Variants in NRXN3 observed in about 807,000 individuals in gnomAD.
The protein encoded by NRXN3 is neurexin 3.
NRXN3 carries 32 observed loss-of-function variants against 137.6 expected under a neutral mutation model. The ratio of observed to expected loss-of-function variants is 0.23; its 90% confidence interval spans 0.18 to 0.31. The LOEUF is 0.31. Among genes scored for constraint, NRXN3 ranks in the 10% least tolerant of loss-of-function variants. NRXN3 has a pLI of 1.00. For missense variants in NRXN3, 1,574 were observed against 2,062.5 expected (o/e 0.76, Z 4.59); for synonymous variants, 798 against 784.5 (o/e 1.02, Z -0.29).
At chr14:78,191,316 G>C (rs868111087) in intron 1 of NRXN3, among the ~76,000 whole-genome samples, 2 of 152,152 alleles carry the variant, frequency 1.3e-5, no homozygotes, top group African/African-American at 4.8e-5. Context: ...TACAGACAGA[G>C]CATGGTGGCT....
chr14:79,076,874 A>G (rs961999615), intron 15 of NRXN3, among the ~76,000 whole-genome samples: 5 of 152,158 alleles, frequency 3.3e-5, no homozygotes, highest in African/African-American at 4.8e-5. Flanking sequence ...GTAGAGAAGC[A>G]TTGCATTTAT....
chr14:79,188,432 T>A (rs1250679563), intron 15 of NRXN3, among the ~76,000 whole-genome samples: 2 of 152,048 alleles, frequency 1.3e-5, no homozygotes, highest in Non-Finnish European at 2.9e-5. Flanking sequence ...AGATGAAATC[T>A]CTAATAGGTA....
At chr14:79,641,099 C>T (rs551464071) in intron 16 of NRXN3, among the ~76,000 whole-genome samples, 15 of 134,312 alleles carry the variant, frequency 1.1e-4, no homozygotes, top group African/African-American at 3.4e-4. Flanking sequence ...CCTCCGCCTC[C>T]TGGGTTCAAG....
chr14:78,999,031 T>C (rs2099536113), intron 15 of NRXN3, among the ~76,000 whole-genome samples: 1 of 152,220 alleles, frequency 6.6e-6, no homozygotes, highest in South Asian at 2.1e-4. Context: ...CCTTTTCTTG[T>C]GGATCTTTGA....
chr14:79,491,958 G>A (rs947700402), intron 16 of NRXN3, among the ~76,000 whole-genome samples: 1 of 152,062 alleles, frequency 6.6e-6, no homozygotes, highest in Non-Finnish European at 1.5e-5. Flanking sequence ...TAACCAACTG[G>A]CAATTACAAA....
chr14:79,853,833 CAT>C (rs1603619915), intron 20 of NRXN3: 4 of 982,232 alleles, frequency 4.1e-6, no homozygotes, highest in Non-Finnish European at 3.6e-6. Context: ...CCGTTAGAGT[CAT>C]AGAATTTTTT....
chr14:79,301,274 T>C (rs1459800572), intron 15 of NRXN3, among the ~76,000 whole-genome samples: 1 of 152,052 alleles, frequency 6.6e-6, no homozygotes, highest in African/African-American at 2.4e-5. Flanking sequence ...TGGCTGAGTG[T>C]TTGCCCTGGC....
chr14:78,923,044 C>T (rs1567712078), intron 10 of NRXN3, among the ~76,000 whole-genome samples: 1 of 152,080 alleles, frequency 6.6e-6, no homozygotes, highest in African/African-American at 2.4e-5. Flanking sequence ...TGATTGCTGC[C>T]TATGTAGTAT....
intron 19 of NRXN3, among the ~76,000 whole-genome samples, chr14:79,778,793 G>A (rs556672398): frequency 1.4e-4 from 22 of 152,244 alleles, no homozygotes; most frequent in Non-Finnish European, 2.2e-4. Flanking sequence ...AATGGGCCTC[G>A]AAAGACTCAG....
At chr14:78,794,696 G>A (rs567667822) in intron 8 of NRXN3, among the ~76,000 whole-genome samples, 1 of 151,582 alleles carries the variant, frequency 6.6e-6, no homozygotes, top group South Asian at 2.1e-4. Context: ...GTTAATGATG[G>A]CATGATTTGA....
chr14:78,254,626 C>T (rs1226683442), intron 2 of NRXN3, among the ~76,000 whole-genome samples: 1 of 149,544 alleles, frequency 6.7e-6, no homozygotes, highest in Non-Finnish European at 1.5e-5. Flanking sequence ...TGCAGTGAGC[C>T]GAGATCACGC....
intron 16 of NRXN3, among the ~76,000 whole-genome samples, chr14:79,540,080 A>G (rs1025639306): frequency 6.6e-6 from 1 of 152,182 alleles, no homozygotes; most frequent in African/African-American, 2.4e-5. Flanking sequence ...GAATAGAAGC[A>G]GTCTATTCAG....
Position 78,539,476 on chromosome 14 carries a change from T to A in NRXN3, c.758-105644T>A, listed in dbSNP as rs144975970. ...AATGGTGATATCCCCTTTTTTTTAT[T>A]GCATCTATTTGATTCTTCTCTCTTT... On this transcript the variant is annotated intron_variant, in intron 4 of 20. Coordinates refer to ENST00000335750, the MANE Select transcript of NRXN3 (RefSeq NM_001330195.2). Among the ~76,000 whole-genome samples, 819 of 152,264 alleles carry A rather than the reference T, an allele frequency of 5.4e-3. 11 individuals carry two copies. Among genetic ancestry groups the A allele is most frequent in the African/African-American group, 0.019 (777 of 41,568 alleles).
intron 15 of NRXN3, among the ~76,000 whole-genome samples, chr14:78,999,215 G>T (rs557127543): frequency 6.6e-6 from 1 of 152,050 alleles, no homozygotes; most frequent in South Asian, 2.1e-4. Flanking sequence ...ACATGCCTAC[G>T]GAAGAAATGA....
At chr14:78,421,703 A>T (rs1298412505) in intron 4 of NRXN3, among the ~76,000 whole-genome samples, 2 of 152,032 alleles carry the variant, frequency 1.3e-5, no homozygotes, top group South Asian at 2.1e-4. Context: ...TTTATTTTTT[A>T]AAAAAGAGAT....
chr14:78,992,052 A>G (rs1484986298), intron 15 of NRXN3, among the ~76,000 whole-genome samples: 1 of 152,228 alleles, frequency 6.6e-6, no homozygotes, highest in African/African-American at 2.4e-5. Context: ...GTATGGGGTT[A>G]GGAAACAAAA....
At chr14:79,326,641 T>G (rs1043584730) in intron 15 of NRXN3, among the ~76,000 whole-genome samples, 4 of 152,218 alleles carry the variant, frequency 2.6e-5, no homozygotes, top group Admixed American at 2.6e-4. Flanking sequence ...GTCTCTTTCA[T>G]TCTCATCTTT....
chr14:79,501,309 T>TA (rs1423141850), intron 16 of NRXN3, among the ~76,000 whole-genome samples: 4 of 152,144 alleles, frequency 2.6e-5, no homozygotes, highest in Admixed American at 6.5e-5. Flanking sequence ...CCGCTTCTAC[T>TA]ATGAGAGACC....
At chr14:78,234,994 T>TTATATATATATATATATATGTG (rs2065990694) in intron 1 of NRXN3, among the ~76,000 whole-genome samples, 1 of 108,784 alleles carries the variant, frequency 9.2e-6, no homozygotes, top group Non-Finnish European at 1.9e-5. Flanking sequence ...ACAAATGCTT[T>TTATATATATATATATATATGTG]TATATATATA....
Sources: allele counts gnomAD v4.1 joint callset (sites outside exome capture counted in the v4.1 genomes callset), GRCh38; gene constraint gnomAD v4.1.1; transcripts MANE v1.5; gene names NCBI Gene and HGNC (gene_info 2026-07-23, HGNC 2026-07-21).